The following CPA6 variants were observed in gnomAD, a reference collection of about 807,000 sequenced individuals.
CPA6 encodes the protein carboxypeptidase B.
CPA6 carries 58 observed loss-of-function variants against 63.3 expected under a neutral mutation model. The ratio of observed to expected loss-of-function variants is 0.92; its 90% confidence interval spans 0.74 to 1.14. CPA6 has a LOEUF of 1.14. CPA6 is among the 50% of genes most tolerant of loss of function. The pLI is 0.00. For missense variants in CPA6, 565 were observed against 526.6 expected, an observed-to-expected ratio of 1.07 and a Z score of -0.71; for synonymous variants, 185 against 179.0, an observed-to-expected ratio of 1.03 and a Z score of -0.27.
chr8:67,737,900 C>T (rs960674011), intron 1 of CPA6, among the ~76,000 whole-genome samples: 2 of 152,178 alleles, frequency 1.3e-5, no homozygotes, highest in Non-Finnish European at 2.9e-5. Flanking sequence ...GCTAGCTCTG[C>T]CAATCCTTTT....
chr8:67,615,304 T>C (rs1451972092), intron 2 of CPA6, among the ~76,000 whole-genome samples: 2 of 152,238 alleles, frequency 1.3e-5, no homozygotes, highest in Non-Finnish European at 2.9e-5. Flanking sequence ...GTATGGTTTA[T>C]ACACTTGATA....
chr8:67,716,862 G>C (rs1365134105), intron 1 of CPA6, among the ~76,000 whole-genome samples: 1 of 152,066 alleles, frequency 6.6e-6, no homozygotes, highest in Non-Finnish European at 1.5e-5. Flanking sequence ...GTTCATAGTA[G>C]CTGAAAAATA....
chr8:67,524,004 T>A (rs536125098), intron 2 of CPA6, among the ~76,000 whole-genome samples: 5 of 152,256 alleles, frequency 3.3e-5, no homozygotes, highest in Non-Finnish European at 7.3e-5. Context: ...GAAAACTTGA[T>A]ATCAAGTTTG....
At chr8:67,627,404 C>T (rs1250673936) in intron 1 of CPA6, among the ~76,000 whole-genome samples, 3 of 152,138 alleles carry the variant, frequency 2.0e-5, no homozygotes, top group African/African-American at 7.2e-5. Context: ...AGGAGGTGAG[C>T]TTAGAGGCTT....
At chr8:67,496,555 A>ATATATT (rs1199617624) in intron 6 of CPA6, among the ~76,000 whole-genome samples, 30 of 100,996 alleles carry the variant, frequency 3.0e-4, no homozygotes, top group African/African-American at 8.7e-4. Context: ...ATATATATAT[A>ATATATT]TATTTATTTT....
At chr8:67,429,508 A>T (rs186005551) in intron 9 of CPA6, 2 of 152,322 alleles carry the variant, frequency 1.3e-5, no homozygotes, top group Admixed American at 6.5e-5. Context: ...TGCATGAGGC[A>T]GTATTTGCAG....
intron 8 of CPA6, among the ~76,000 whole-genome samples, chr8:67,435,074 C>T (rs1810118729): frequency 6.6e-6 from 1 of 152,188 alleles, no homozygotes; most frequent in East Asian, 1.9e-4. Flanking sequence ...GTACTGTCCG[C>T]TTTGTGAGGC....
intron 2 of CPA6, among the ~76,000 whole-genome samples, chr8:67,546,779 A>G (rs1488224602): frequency 6.6e-6 from 1 of 152,130 alleles, no homozygotes; most frequent in Non-Finnish European, 1.5e-5. Flanking sequence ...TCAGCCTTCC[A>G]AGTAGCAGAG....
rs1028902779 is a variant in CPA6, at chr8:67,422,684, G to A, written c.1134C>T (p.Ser378=). 7 of 1,604,240 alleles carry A rather than the reference G, an allele frequency of 4.4e-6. No homozygotes were observed. The highest frequency in any genetic ancestry group is 4.2e-6 in the Non-Finnish European group (5 of 1,176,578). Residue 378 remains serine (S), a synonymous_variant, in exon 11 of 11, where the codon AGC becomes AGT. Coordinates refer to ENST00000297770, the MANE Select transcript of CPA6 (RefSeq NM_020361.5). ...AGGCCCAATCCATTGAGCTACCAGA[G>A]CTCACATCTAAAAGTTAAAACAAAA... ...YGPASTTLYV[S]SGSSMDWAYK...
intron 8 of CPA6, among the ~76,000 whole-genome samples, chr8:67,460,351 G>T (rs763396626): frequency 2.0e-5 from 3 of 152,124 alleles, no homozygotes; most frequent in East Asian, 3.8e-4. Context: ...ATAATATAAG[G>T]TTATAATAAG....
intron 2 of CPA6, among the ~76,000 whole-genome samples, chr8:67,611,087 TC>T (rs1814795341): frequency 9.9e-6 from 1 of 101,450 alleles, no homozygotes; most frequent in Non-Finnish European, 1.8e-5. Context: ...TTTCACTCCT[TC>T]TTTTTTTTTT....
intron 1 of CPA6, among the ~76,000 whole-genome samples, chr8:67,657,116 G>A (rs1235731676): frequency 2.6e-5 from 4 of 152,176 alleles, no homozygotes; most frequent in African/African-American, 9.7e-5. Flanking sequence ...GCTCAGAAGA[G>A]TATGGTTGCA....
intron 2 of CPA6, among the ~76,000 whole-genome samples, chr8:67,550,166 C>A (rs529168010): frequency 6.6e-6 from 1 of 152,264 alleles, no homozygotes; most frequent in African/African-American, 2.4e-5. Context: ...TAGTATCCAA[C>A]AGTTAGTCTT....
intron 1 of CPA6, among the ~76,000 whole-genome samples, chr8:67,643,437 A>G (rs558857413): frequency 3.3e-5 from 5 of 152,372 alleles, no homozygotes; most frequent in African/African-American, 1.2e-4. Context: ...TCTTGCAACC[A>G]TCCTACTGAT....
intron 2 of CPA6, among the ~76,000 whole-genome samples, chr8:67,535,246 G>T (rs1812561127): frequency 6.6e-6 from 1 of 152,090 alleles, no homozygotes; most frequent in Non-Finnish European, 1.5e-5. Context: ...TGGGTCAAAT[G>T]GTATTCCTGG....
chr8:67,518,593 G>A (rs150810694), intron 2 of CPA6, among the ~76,000 whole-genome samples: 88 of 146,914 alleles, frequency 6.0e-4, no homozygotes, highest in Non-Finnish European at 6.4e-4. Flanking sequence ...TGCAATCTCT[G>A]CCTCCTGGGT....
At chr8:67,744,790 T>C (rs1162791645) in intron 1 of CPA6, among the ~76,000 whole-genome samples, 1 of 152,116 alleles carries the variant, frequency 6.6e-6, no homozygotes, top group Non-Finnish European at 1.5e-5. Context: ...AGCCCTGGGA[T>C]GTTAACTCCT....
intron 2 of CPA6, among the ~76,000 whole-genome samples, chr8:67,591,892 T>C (rs1814136610): frequency 6.6e-6 from 1 of 152,184 alleles, no homozygotes; most frequent in African/African-American, 2.4e-5. Flanking sequence ...TTCTCCTGCC[T>C]AATTGCCCTG....
At chr8:67,627,657 T>G (rs1157794286) in intron 1 of CPA6, among the ~76,000 whole-genome samples, 1 of 152,172 alleles carries the variant, frequency 6.6e-6, no homozygotes, top group Non-Finnish European at 1.5e-5. Flanking sequence ...TAATTTTAGT[T>G]TAAGGATGTC....
Sources: allele counts gnomAD v4.1 joint callset (sites outside exome capture counted in the v4.1 genomes callset), GRCh38; gene constraint gnomAD v4.1.1; transcripts MANE v1.5; gene names NCBI Gene and HGNC (gene_info 2026-07-23, HGNC 2026-07-21).